Variants in RNLS observed in about 807,000 individuals in gnomAD.
RNLS encodes renalase, FAD dependent amine oxidase.
A neutral mutation model predicts 39.8 loss-of-function variants in RNLS; 39 were observed. The ratio of observed to expected loss-of-function variants is 0.98; its 90% CI spans 0.76 to 1.28. The LOEUF is 1.28. RNLS is among the 50% of genes most tolerant of loss of function. The pLI is 0.00. For missense variants in RNLS, 410 were observed against 413.3 expected, an observed-to-expected ratio of 0.99 and a Z score of 0.07; for synonymous variants, 147 against 150.7, an observed-to-expected ratio of 0.98 and a Z score of 0.18.
the RNLS span, among the ~76,000 whole-genome samples, chr10:88,199,626 G>A: frequency 6.6e-6 from 1 of 152,144 alleles, no homozygotes; most frequent in East Asian, 1.9e-4. Context: ...AGTGCAGGAC[G>A]AAGACACACT....
At chr10:88,174,284 C>T in the RNLS span, among the ~76,000 whole-genome samples, 1 of 151,674 alleles carries the variant, frequency 6.6e-6, no homozygotes. Context: ...ACTTCCAGTA[C>T]TGTGTTGGAT....
At chr10:88,268,482 G>C in the RNLS span, among the ~76,000 whole-genome samples, 5 of 152,176 alleles carry the variant, frequency 3.3e-5, no homozygotes, top group Non-Finnish European at 4.4e-5. Flanking sequence ...GGTGGCTGTG[G>C]GGGGGTTGAT....
At chr10:88,293,629 A>G (rs1398539283) in intron 6 of RNLS, among the ~76,000 whole-genome samples, 1 of 152,158 alleles carries the variant, frequency 6.6e-6, no homozygotes, top group East Asian at 1.9e-4. Context: ...TTTTAATTGA[A>G]GAATTAAAAG....
At chr10:88,203,223 A>AGTGTGTGT in the RNLS span, among the ~76,000 whole-genome samples, 1 of 11,244 alleles carries the variant, frequency 8.9e-5, no homozygotes, top group Admixed American at 8.4e-4. Flanking sequence ...GATAGCAAAA[A>AGTGTGTGT]GTGTGTGTGT....
At chr10:88,374,515 G>A (rs879407399) in intron 4 of RNLS, among the ~76,000 whole-genome samples, 3 of 151,968 alleles carry the variant, frequency 2.0e-5, no homozygotes, top group Non-Finnish European at 4.4e-5. Flanking sequence ...GCTTTCCTGC[G>A]CTAACATATC....
chr10:88,449,565 A>G (rs1842248312), intron 4 of RNLS, among the ~76,000 whole-genome samples: 1 of 152,196 alleles, frequency 6.6e-6, no homozygotes, highest in Non-Finnish European at 1.5e-5. Context: ...CATGAAGGGC[A>G]AGGACTCTCA....
chr10:88,265,645 C>T, the RNLS span, among the ~76,000 whole-genome samples: 4 of 152,146 alleles, frequency 2.6e-5, no homozygotes, highest in South Asian at 6.2e-4. Context: ...TTATTTGATT[C>T]GTAGCTTGGT....
chr10:88,336,201 G>A (rs1373991211), intron 5 of RNLS, among the ~76,000 whole-genome samples: 1 of 152,162 alleles, frequency 6.6e-6, no homozygotes, highest in African/African-American at 2.4e-5. Flanking sequence ...GGAAATACTA[G>A]CTTTTAAAAA....
the RNLS span, among the ~76,000 whole-genome samples, chr10:88,218,027 C>A: frequency 1.3e-5 from 2 of 151,910 alleles, no homozygotes; most frequent in African/African-American, 2.4e-5. Context: ...GCAACAAGAG[C>A]AAAACCTCGT....
At chr10:88,443,626 C>G (rs1477215805) in intron 4 of RNLS, among the ~76,000 whole-genome samples, 1 of 152,224 alleles carries the variant, frequency 6.6e-6, no homozygotes, top group Non-Finnish European at 1.5e-5. Flanking sequence ...TAATACTGCA[C>G]TTTTCCAATG....
intron 4 of RNLS, among the ~76,000 whole-genome samples, chr10:88,567,441 T>A (rs535558803): frequency 6.6e-6 from 1 of 152,332 alleles, no homozygotes; most frequent in East Asian, 1.9e-4. Context: ...ATGCAGTTTT[T>A]AAATATTGGA....
At chr10:88,272,607 C>G (rs1842680303), downstream of RNLS, among the ~76,000 whole-genome samples, 1 of 152,150 alleles carries the variant, frequency 6.6e-6, no homozygotes, top group South Asian at 2.1e-4. Context: ...ATCCCAAGTG[C>G]TTTACATGAA....
chr10:88,220,675 C>G, the RNLS span, among the ~76,000 whole-genome samples: 1 of 152,238 alleles, frequency 6.6e-6, no homozygotes, highest in South Asian at 2.1e-4. Flanking sequence ...GAGCTGGGAC[C>G]AGAACTCAGG....
At chr10:88,505,153 C>T (rs1845719551) in intron 4 of RNLS, among the ~76,000 whole-genome samples, 2 of 151,540 alleles carry the variant, frequency 1.3e-5, no homozygotes, top group South Asian at 4.2e-4. Flanking sequence ...TGGTTGATTC[C>T]AGATCTAGGG....
At chr10:88,526,860 C>A (rs2209553) in intron 4 of RNLS, among the ~76,000 whole-genome samples, 2 of 151,578 alleles carry the variant, frequency 1.3e-5, no homozygotes, top group Non-Finnish European at 2.9e-5. Flanking sequence ...AGGAGGTTAG[C>A]AGTGGGAAAC....
chr10:88,415,003 A>G (rs1262183591), intron 4 of RNLS, among the ~76,000 whole-genome samples: 1 of 152,162 alleles, frequency 6.6e-6, no homozygotes, highest in African/African-American at 2.4e-5. Context: ...GCCTTCAACC[A>G]AAATACTGCT....
chr10:88,432,531 C>T (rs1344872553), intron 4 of RNLS, among the ~76,000 whole-genome samples: 1 of 151,740 alleles, frequency 6.6e-6, no homozygotes, highest in Non-Finnish European at 1.5e-5. Context: ...CCATATATTC[C>T]TTGTTCCATC....
chr10:88,389,454 C>A (rs1343826282), intron 4 of RNLS, among the ~76,000 whole-genome samples: 1 of 152,122 alleles, frequency 6.6e-6, no homozygotes, highest in East Asian at 1.9e-4. Context: ...CAAAATGAAT[C>A]ATTCTATAGA....
intron 4 of RNLS, among the ~76,000 whole-genome samples, chr10:88,366,400 C>G (rs1346404502): frequency 6.6e-6 from 1 of 151,710 alleles, no homozygotes; most frequent in Admixed American, 6.6e-5. Flanking sequence ...TTAGAGAGAA[C>G]AGTAGAGGAA....
Sources: gnomAD v4.1 joint callset for allele counts (sites outside exome capture counted in the v4.1 genomes callset) on GRCh38, gnomAD v4.1.1 for gene constraint, MANE v1.5 for transcripts, NCBI Gene and HGNC (gene_info 2026-07-23, HGNC 2026-07-21) for gene names.